SOX6: variants seen among roughly 807,000 people sequenced by gnomAD.
The protein encoded by SOX6 is transcription factor SOX-6.
A neutral mutation model predicts 97.8 loss-of-function variants in SOX6; 11 were observed. The observed-to-expected ratio is 0.11, with a 90% CI of 0.07 to 0.19. The LOEUF is 0.19. Ranked by LOEUF, SOX6 falls within the 10% of genes least tolerant of loss-of-function variation. SOX6 has a pLI of 1.00. For missense variants in SOX6, 810 were observed against 1,039.5 expected (o/e 0.78, Z 3.04); for synonymous variants, 360 against 371.4 (o/e 0.97, Z 0.35).
chr11:16,628,470 A>C (rs1358245175), intron 3 of SOX6, among the ~76,000 whole-genome samples: 1 of 151,974 alleles, frequency 6.6e-6, no homozygotes, highest in Admixed American at 6.6e-5. Flanking sequence ...CTAAAAATAC[A>C]AAAAAATTAG....
intron 4 of SOX6, among the ~76,000 whole-genome samples, chr11:16,538,300 T>A (rs1032817042): frequency 6.6e-6 from 1 of 152,180 alleles, no homozygotes; most frequent in African/African-American, 2.4e-5. Flanking sequence ...CCACCAGCCC[T>A]GCCTTACAAG....
At chr11:16,317,404 G>C (rs1434648245) in intron 3 of SOX6, 1 of 151,776 alleles carries the variant, frequency 6.6e-6, no homozygotes, top group African/African-American at 2.4e-5. Context: ...TTTAAATTTT[G>C]TGGCTCGAGT....
At chr11:16,588,591 T>C (rs1230525677) in intron 4 of SOX6, among the ~76,000 whole-genome samples, 1 of 152,162 alleles carries the variant, frequency 6.6e-6, no homozygotes, top group African/African-American at 2.4e-5. Context: ...GTAGTAATTC[T>C]CCACTTGACC....
rs546903230 is a variant in SOX6, at chr11:16,074,237, C to T, written c.1102-18336G>A. ...ATAAAGAAAACAGAACAAATAAACA[C>T]AATTAGAAATTACAAAGGGGACACT... On this transcript the variant is annotated intron_variant, in intron 9 of 15. Transcript: ENST00000683767. 2.0e-5 allele frequency among the ~76,000 whole-genome samples: 3 copies of T among 152,078 alleles called. No homozygotes were observed. In the East Asian group the frequency reaches 5.8e-4, roughly 29 times the overall value.
At chr11:16,481,840 A>C (rs1040201957) in intron 4 of SOX6, among the ~76,000 whole-genome samples, 1 of 152,176 alleles carries the variant, frequency 6.6e-6, no homozygotes, top group African/African-American at 2.4e-5. Context: ...AATACTTACT[A>C]TATTAGAAAC....
intron 3 of SOX6, among the ~76,000 whole-genome samples, chr11:16,640,636 T>C (rs1199388812): frequency 6.6e-6 from 1 of 152,206 alleles, no homozygotes; most frequent in Non-Finnish European, 1.5e-5. Context: ...GGTTTAGTCT[T>C]GGGAGGGCGT....
At chr11:16,561,805 G>A (rs1236989932) in intron 4 of SOX6, among the ~76,000 whole-genome samples, 1 of 152,028 alleles carries the variant, frequency 6.6e-6, no homozygotes, top group Non-Finnish European at 1.5e-5. Flanking sequence ...TCATAGCTCA[G>A]TGTAATCTCA....
At chr11:16,271,952 G>A (rs1854272955) in intron 3 of SOX6, among the ~76,000 whole-genome samples, 2 of 150,288 alleles carry the variant, frequency 1.3e-5, no homozygotes, top group South Asian at 4.2e-4. Context: ...ATTTTACTCT[G>A]TAATTTTACT....
chr11:16,569,868 C>CAAAATAAAAAAAAAAAAAAAAAAAAAAA (rs1847918369), intron 4 of SOX6, among the ~76,000 whole-genome samples: 1 of 84,816 alleles, frequency 1.2e-5, no homozygotes, highest in Non-Finnish European at 2.1e-5. Flanking sequence ...GACTCCGTCT[C>CAAAATAAAAAAAAAAAAAAAAAAAAAAA]AAAAAAAAAA....
chr11:16,229,271 T>C (rs556079520), intron 4 of SOX6, among the ~76,000 whole-genome samples: 2 of 152,242 alleles, frequency 1.3e-5, no homozygotes, highest in South Asian at 4.1e-4. Flanking sequence ...CACAAACTTA[T>C]GGGATGAATA....
chr11:16,696,951 A>G (rs1848058427), intron 3 of SOX6, among the ~76,000 whole-genome samples: 4 of 149,824 alleles, frequency 2.7e-5, no homozygotes, highest in Non-Finnish European at 5.9e-5. Context: ...CTGCTGCTTT[A>G]TTAACTAAGT....
chr11:16,514,377 G>C (rs1358662932), intron 4 of SOX6, among the ~76,000 whole-genome samples: 1 of 152,124 alleles, frequency 6.6e-6, no homozygotes, highest in African/African-American at 2.4e-5. Context: ...TAAAAGCAGA[G>C]TAACATTGGT....
chr11:16,613,301 G>C lies in SOX6; in HGVS notation n.430-1041C>G, dbSNP rs901229693. The C allele has an allele frequency of 6.6e-6, 1 of 152,580 alleles. No individual in the cohort carries two copies. 9.5% of individuals were successfully genotyped at this position (152,580 alleles called of 1,614,324 possible). On this transcript the variant is annotated intron_variant and non_coding_transcript_variant, in intron 3 of 5. Transcript: ENST00000524520. This position sits in a 1 kb window ranked among gnomAD's most constrained non-coding sequence, Gnocchi z 4.6. ...CCAACTACCCCTGCCACTCAGATCA[G>C]CCGGCATGCACCCTGGAGAAGGGCA...
chr11:16,719,267 T>C (rs76588961), intron 2 of SOX6, among the ~76,000 whole-genome samples: 1,748 of 152,274 alleles, frequency 0.011, 26 homozygotes, highest in African/African-American at 0.04. Context: ...TTGCCAAGAA[T>C]AGGAATCATT....
intron 4 of SOX6, among the ~76,000 whole-genome samples, chr11:16,524,959 C>T: frequency 6.6e-6 from 1 of 152,126 alleles, no homozygotes; most frequent in Non-Finnish European, 1.5e-5. Context: ...GAACTACAAA[C>T]CACTGCTCAA....
rs559501457 is a variant in SOX6, at chr11:16,470,188, A to G, written c.-5+6127T>C. ...CCCAGCATTAATGCTTTCATGGGGC[A>G]GCTCCCGTTGTCATGGAAAATGGCA... On this transcript the variant is annotated intron_variant, in intron 1 of 15. Coordinates refer to the SOX6 transcript ENST00000396356. Among the ~76,000 whole-genome samples the G allele has an allele frequency of 3.9e-5, 6 of 152,222 alleles. No individual in the cohort carries two copies. The East Asian group carries it at 1.2e-3, about 29-fold the overall frequency.
intron 4 of SOX6, among the ~76,000 whole-genome samples, chr11:16,573,619 A>C (rs1376226340): frequency 6.6e-6 from 1 of 152,228 alleles, no homozygotes; most frequent in Non-Finnish European, 1.5e-5. Flanking sequence ...TAATCTATCA[A>C]TAGTGGGGAA....
chr11:16,203,029 T>C (rs1279400612), intron 4 of SOX6, among the ~76,000 whole-genome samples: 1 of 152,056 alleles, frequency 6.6e-6, no homozygotes, highest in South Asian at 2.1e-4. Flanking sequence ...TAGTAAATAC[T>C]AATAAAAGCC....
At chr11:16,502,375 T>C (rs1860721897) in intron 4 of SOX6, among the ~76,000 whole-genome samples, 1 of 152,066 alleles carries the variant, frequency 6.6e-6, no homozygotes, top group Non-Finnish European at 1.5e-5. Context: ...GATGAGTTAA[T>C]GGGTGCAGCA....
Sources: gnomAD v4.1 joint callset for allele counts (sites outside exome capture counted in the v4.1 genomes callset) on GRCh38, gnomAD v4.1.1 for gene constraint, Gnocchi (gnomAD v3.1) non-coding constraint, MANE v1.5 for transcripts, NCBI Gene and HGNC (gene_info 2026-07-23, HGNC 2026-07-21) for gene names.